TENM2: variants seen among roughly 807,000 people sequenced by gnomAD.
TENM2 encodes teneurin-2.
Under a neutral mutation model 245.2 loss-of-function variants are expected in TENM2, and 52 were observed. The observed-to-expected ratio is 0.21, with a 90% CI of 0.17 to 0.27. TENM2 has a LOEUF of 0.27. Among genes scored for constraint, TENM2 ranks in the 10% least tolerant of loss-of-function variants. The pLI is 1.00. For missense variants in TENM2, 3,046 were observed against 3,666.8 expected, an observed-to-expected ratio of 0.83 and a Z score of 4.37; for synonymous variants, 1,363 against 1,438.9, an observed-to-expected ratio of 0.95 and a Z score of 1.19.
chr5:168,115,408 G>GGAAGGAAGGAAGGAAAGAAAA (rs1458782856), intron 9 of TENM2, among the ~76,000 whole-genome samples: 1 of 122,874 alleles, frequency 8.1e-6, no homozygotes, highest in Non-Finnish European at 1.7e-5. Flanking sequence ...AAGGAAGGAA[G>GGAAGGAAGGAAGGAAAGAAAA]GGAAAGGAAA....
At chr5:168,121,334 C>G (rs1388652431) in intron 10 of TENM2, among the ~76,000 whole-genome samples, 1 of 152,226 alleles carries the variant, frequency 6.6e-6, no homozygotes, top group Non-Finnish European at 1.5e-5. Flanking sequence ...CATAGTCCCT[C>G]CTGCCTGCTA....
At chr5:167,978,603 T>C (rs149946693) in intron 4 of TENM2, among the ~76,000 whole-genome samples, 97 of 152,038 alleles carry the variant, frequency 6.4e-4, no homozygotes, top group African/African-American at 2.1e-3. Flanking sequence ...AAATTAGTGG[T>C]TGCCAGGAGC....
At chr5:167,675,997 T>C (rs977614949) in intron 2 of TENM2, among the ~76,000 whole-genome samples, 8 of 152,024 alleles carry the variant, frequency 5.3e-5, no homozygotes, top group Admixed American at 3.9e-4. Context: ...ACCTACCCCA[T>C]GAAGCCTGAC....
chr5:167,306,568 T>G (rs1358717389), intron 1 of TENM2: 1 of 152,052 alleles, frequency 6.6e-6, no homozygotes, highest in Non-Finnish European at 1.5e-5. Flanking sequence ...CATCACAGCT[T>G]CTTGTTCACA....
At chr5:168,058,920 CA>C (rs796133366) in intron 6 of TENM2, among the ~76,000 whole-genome samples, 2 of 150,058 alleles carry the variant, frequency 1.3e-5, no homozygotes, top group Admixed American at 1.3e-4. Context: ...TCCCATTTTA[CA>C]AAAAAAAAGG....
At chr5:168,253,596 T>G (rs1767354595) in intron 27 of TENM2, among the ~76,000 whole-genome samples, 1 of 151,602 alleles carries the variant, frequency 6.6e-6, no homozygotes, top group Admixed American at 6.6e-5. Context: ...CGGCTAATTG[T>G]TTGTATTTTT....
intron 23 of TENM2, among the ~76,000 whole-genome samples, chr5:168,225,036 C>T (rs1562302450): frequency 6.6e-6 from 1 of 152,188 alleles, no homozygotes; most frequent in East Asian, 1.9e-4. Context: ...AAGGAGGCCC[C>T]AGTGTCAGGC....
At chr5:167,081,598 T>C in the TENM2 span, among the ~76,000 whole-genome samples, 2 of 152,166 alleles carry the variant, frequency 1.3e-5, no homozygotes, top group African/African-American at 4.8e-5. Context: ...GAATGAATGG[T>C]GCAGAATGAG....
chr5:167,612,949 A>G (rs1777567802), intron 2 of TENM2, among the ~76,000 whole-genome samples: 1 of 152,198 alleles, frequency 6.6e-6, no homozygotes, highest in African/African-American at 2.4e-5. Flanking sequence ...AAACTGCACA[A>G]TTTGGATTCC....
intron 2 of TENM2, among the ~76,000 whole-genome samples, chr5:167,731,703 T>G (rs1760451298): frequency 6.6e-6 from 1 of 151,608 alleles, no homozygotes. Flanking sequence ...AGAGGTTTTT[T>G]TTTTTTTTTT....
intron 4 of TENM2, among the ~76,000 whole-genome samples, chr5:167,970,260 C>T (rs9313394): frequency 0.45 from 67,683 of 152,094 alleles, 16,061 homozygotes; most frequent in East Asian, 0.65. Flanking sequence ...ACTTCTCAAA[C>T]GTCCCACGAC....
rs762364016 is a variant in TENM2 at position 168,247,763 on chromosome 5, C to T, written c.6824C>T (p.Ser2275Phe). 5 of 1,613,840 alleles carry T rather than the reference C, an allele frequency of 3.1e-6. No individual in the cohort carries two copies. The highest frequency in any genetic ancestry group is 3.4e-6 in the Non-Finnish European group (4 of 1,179,896). The change falls in exon 27 of 29, where the codon TCT becomes TTT. Residue 2275 changes from serine to phenylalanine, a missense_variant. This residue lies in a region of TENM2 where 2,704 missense variants were observed against 3,331.9 expected (regional missense o/e 0.81). Transcript: ENST00000518659. This position sits in a 1 kb window ranked among gnomAD's most constrained non-coding sequence, Gnocchi z 7.8. ...GATGGCTATCTGTGCCAGAGAGGGT[C>T]TGACATCTTCGAATACAATTCCAAG... is the stretch of plus-strand genomic sequence containing the variant.
At chr5:167,070,784 T>C in the TENM2 span, among the ~76,000 whole-genome samples, 2 of 152,292 alleles carry the variant, frequency 1.3e-5, no homozygotes, top group Non-Finnish European at 2.9e-5. Context: ...CTGTACCCAG[T>C]GTACTACTGT....
chr5:167,095,426 A>G, the TENM2 span, among the ~76,000 whole-genome samples: 1 of 152,114 alleles, frequency 6.6e-6, no homozygotes, highest in South Asian at 2.1e-4. Flanking sequence ...CCAAGTGAAG[A>G]GGGACTTGAG....
intron 3 of TENM2, among the ~76,000 whole-genome samples, chr5:167,907,022 A>C (rs189123784): frequency 5.9e-4 from 90 of 152,040 alleles, no homozygotes; most frequent in Admixed American, 5.9e-3. Context: ...CACCTGAGGT[A>C]GGGAGTTCGA....
chr5:167,786,799 G>A (rs1172912964), intron 2 of TENM2, among the ~76,000 whole-genome samples: 2 of 152,212 alleles, frequency 1.3e-5, no homozygotes, highest in Non-Finnish European at 2.9e-5. Context: ...GCACATAGGG[G>A]TTTGGACTTT....
chr5:168,124,903 T>C, exon 11 of TENM2: 4 of 1,613,284 alleles, frequency 2.5e-6, no homozygotes, highest in Non-Finnish European at 3.4e-6. Flanking sequence ...GAATGGAGAA[T>C]GCCTGTGCAG....
Position 168,203,884 on chromosome 5 carries a change from C to A in TENM2, c.3574+52C>A, listed in dbSNP as rs181789112. 992 of 1,535,630 alleles carry A rather than the reference C, an allele frequency of 6.5e-4. 19 individuals carry two copies. In the East Asian group the frequency reaches 0.018, roughly 28 times the overall value. ...ATACAGCCTTGCCACTTCTCTGGAA[C>A]CTTGTCTCTAGCCTCAGCATTTAAG... On this transcript the variant is annotated intron_variant, in intron 18 of 28. Transcript: ENST00000518659.
the TENM2 span, among the ~76,000 whole-genome samples, chr5:166,989,628 G>C: frequency 7.9e-5 from 12 of 151,412 alleles, no homozygotes; most frequent in Non-Finnish European, 1.5e-4. Context: ...CCGACCTCAC[G>C]TGATTCTTCC....
Sources: gnomAD v4.1 joint callset for allele counts (sites outside exome capture counted in the v4.1 genomes callset) on GRCh38, gnomAD v4.1.1 for gene constraint, gnomAD v4.1.1 regional missense constraint, Gnocchi (gnomAD v3.1) non-coding constraint, MANE v1.5 for transcripts, NCBI Gene and HGNC (gene_info 2026-07-23, HGNC 2026-07-21) for gene names.